Variants in ST3GAL1 observed in about 807,000 individuals in gnomAD.
The protein encoded by ST3GAL1 is ST3 beta-galactoside alpha-2,3-sialyltransferase 1.
ST3GAL1 carries 16 observed loss-of-function variants against 34.1 expected under a neutral mutation model. That is an observed-to-expected ratio of 0.47 (90% CI 0.32 to 0.71). The LOEUF (loss-of-function observed/expected upper bound fraction) is 0.71. ST3GAL1 is among the 30% of genes least tolerant of loss of function. The pLI, the probability that ST3GAL1 is intolerant of heterozygous loss-of-function variation, is 0.04. For synonymous variants in ST3GAL1, 191 were observed against 184.7 expected (o/e 1.03, Z -0.28); for missense variants, 353 against 447.4 (o/e 0.79, Z 1.90).
chr8:133,541,070 C>CATAT (rs377685012), intron 2 of ST3GAL1, among the ~76,000 whole-genome samples: 9 of 41,676 alleles, frequency 2.2e-4, no homozygotes, highest in African/African-American at 7.8e-4. Context: ...TATATATAGA[C>CATAT]ATATATATAG....
At chr8:133,510,305 C>T (rs1817468117) in intron 2 of ST3GAL1, among the ~76,000 whole-genome samples, 1 of 152,324 alleles carries the variant, frequency 6.6e-6, no homozygotes, top group Admixed American at 6.5e-5. Flanking sequence ...GTGCAGGCAA[C>T]TATCAGATAC....
chr8:133,515,364 C>T (rs1400894557), intron 2 of ST3GAL1: 1 of 152,174 alleles, frequency 6.6e-6, no homozygotes, highest in Non-Finnish European at 1.5e-5. Context: ...AAATGTGATC[C>T]CCAGTGTTGG....
At chr8:133,552,868 G>A (rs1818901255) in intron 1 of ST3GAL1, among the ~76,000 whole-genome samples, 1 of 152,176 alleles carries the variant, frequency 6.6e-6, no homozygotes, top group Non-Finnish European at 1.5e-5. Context: ...AGCACGCAAA[G>A]CATCTCATGT....
chr8:133,477,007 T>C (rs574894090), intron 3 of ST3GAL1, among the ~76,000 whole-genome samples: 19 of 152,362 alleles, frequency 1.2e-4, no homozygotes, highest in Admixed American at 7.8e-4. Context: ...ACAACAATGG[T>C]ATGCTTAGAG....
chr8:133,474,164 C>T (rs1244669408), intron 5 of ST3GAL1, among the ~76,000 whole-genome samples: 1 of 152,188 alleles, frequency 6.6e-6, no homozygotes, highest in Admixed American at 6.5e-5. Flanking sequence ...CTCTCTGAAT[C>T]CTTCATGATG....
At chr8:133,552,892 C>A (rs1176397519) in intron 1 of ST3GAL1, among the ~76,000 whole-genome samples, 1 of 152,206 alleles carries the variant, frequency 6.6e-6, no homozygotes, top group East Asian at 1.9e-4. Context: ...TGATTTCATT[C>A]CAGCTTCACA....
intron 1 of ST3GAL1, among the ~76,000 whole-genome samples, chr8:133,555,389 A>T (rs1161027600): frequency 1.3e-5 from 2 of 152,128 alleles, no homozygotes; most frequent in Non-Finnish European, 2.9e-5. Context: ...GTCGTTTCTC[A>T]GCACCGTAGT....
At chr8:133,563,517 C>G (rs575233533) in intron 1 of ST3GAL1, among the ~76,000 whole-genome samples, 3 of 152,260 alleles carry the variant, frequency 2.0e-5, no homozygotes, top group Admixed American at 2.0e-4. Context: ...TCCAGGTCCC[C>G]AAATCCAAAC....
rs1369536713 is a variant in ST3GAL1, at chr8:133,466,082, C to T, written c.315G>A (p.Gln105=). The change falls in exon 6 of 10, where the codon CAG becomes CAA. Residue 105 remains glutamine (Q), a synonymous_variant. Transcript: ENST00000522652. This position sits in a 1 kb window ranked among gnomAD's most constrained non-coding sequence, Gnocchi z 4.4. ...TCAAGTTATTGGGCTTCTTCTCCCG[C>T]TGGAGCCTCTGTGGGCGGAGGACAG... ...DDTYRWWLRL[Q]REKKPNNLND... The T allele has an allele frequency of 6.2e-7, 1 of 1,611,740 alleles. No homozygotes were observed. Among genetic ancestry groups the T allele is most frequent in the Non-Finnish European group, 8.5e-7 (1 of 1,178,280 alleles).
intron 3 of ST3GAL1, among the ~76,000 whole-genome samples, chr8:133,497,456 ATTT>A (rs1159737986): frequency 4.9e-5 from 1 of 20,380 alleles, no homozygotes; most frequent in Non-Finnish European, 9.4e-5. Flanking sequence ...TTTTGTTGGA[ATTT>A]TTTTTTTTTT....
chr8:133,570,594 C>G lies in ST3GAL1; in HGVS notation c.-582+1099G>C, dbSNP rs1242498610. 7.2e-5 allele frequency among the ~76,000 whole-genome samples: 11 copies of G among 152,204 alleles called. No individual in the cohort carries two copies. Among genetic ancestry groups the G allele is most frequent in the Admixed American group, 7.2e-4 (11 of 15,282 alleles). On this transcript the variant is annotated intron_variant, in intron 1 of 9. Transcript: ENST00000522652. The surrounding 1 kb of genome is among the most constrained non-coding windows in gnomAD (Gnocchi z 5.6). Reference sequence around the variant, plus strand: ...CCCACACGCTTCCTGGGAGACCCGGCTGCAAGGCCAGGCTAATGCGCGCTC... The same window carrying G: ...CCCACACGCTTCCTGGGAGACCCGGGTGCAAGGCCAGGCTAATGCGCGCTC...
At chr8:133,562,794 TTTCCTTCC>T (rs772597674) in intron 1 of ST3GAL1, among the ~76,000 whole-genome samples, 25,901 of 108,034 alleles carry the variant, frequency 0.24, 3,259 homozygotes, top group Non-Finnish European at 0.28. Flanking sequence ...TCTTTCTTTC[TTTCCTTCC>T]TTCCTTCCTT....
chr8:133,504,411 TTTTC>T (rs1361057669), intron 2 of ST3GAL1, among the ~76,000 whole-genome samples: 1 of 152,194 alleles, frequency 6.6e-6, no homozygotes, highest in Non-Finnish European at 1.5e-5. Flanking sequence ...TCCAATCAGC[TTTTC>T]TTTGAGTCAT....
At chr8:133,530,831 G>A (rs1434801233) in intron 2 of ST3GAL1, among the ~76,000 whole-genome samples, 5 of 152,174 alleles carry the variant, frequency 3.3e-5, no homozygotes, top group Non-Finnish European at 7.3e-5. Context: ...TTTGATTTCT[G>A]TGGTGCCTGG....
At chr8:133,495,330 T>C (rs1439717245) in intron 3 of ST3GAL1, among the ~76,000 whole-genome samples, 1 of 152,216 alleles carries the variant, frequency 6.6e-6, no homozygotes, top group Non-Finnish European at 1.5e-5. Flanking sequence ...CTTAGTTCAC[T>C]ACTGTGTTCC....
chr8:133,503,210 A>G (rs1817236285), intron 2 of ST3GAL1, among the ~76,000 whole-genome samples: 1 of 151,490 alleles, frequency 6.6e-6, no homozygotes, highest in Admixed American at 6.6e-5. Context: ...GCTGACAAAC[A>G]CAGAGTTCCT....
At chr8:133,496,464 A>G (rs1364091975) in intron 3 of ST3GAL1, among the ~76,000 whole-genome samples, 2 of 152,214 alleles carry the variant, frequency 1.3e-5, no homozygotes, top group Admixed American at 1.3e-4. Flanking sequence ...GGGAGCTGAC[A>G]GAAGCCCCGT....
At chr8:133,504,269 G>A (rs1230808314) in intron 2 of ST3GAL1, among the ~76,000 whole-genome samples, 3 of 152,218 alleles carry the variant, frequency 2.0e-5, no homozygotes, top group Non-Finnish European at 4.4e-5. Flanking sequence ...CCTGAGACCT[G>A]CTCAGTCATC....
intron 3 of ST3GAL1, among the ~76,000 whole-genome samples, chr8:133,486,338 T>G (rs1816594335): frequency 6.6e-6 from 1 of 152,224 alleles, no homozygotes; most frequent in African/African-American, 2.4e-5. Context: ...GTGGCGCAGC[T>G]CAGGGCCTGG....
Sources: allele counts gnomAD v4.1 joint callset (sites outside exome capture counted in the v4.1 genomes callset), GRCh38; gene constraint gnomAD v4.1.1; non-coding constraint Gnocchi (gnomAD v3.1); transcripts MANE v1.5; gene names NCBI Gene and HGNC (gene_info 2026-07-23, HGNC 2026-07-21).